Variants in ST7L observed in about 807,000 individuals in gnomAD.
The protein encoded by ST7L is suppression of tumorigenicity 7 like.
A neutral mutation model predicts 72.5 loss-of-function variants in ST7L; 57 were observed. The ratio of observed to expected loss-of-function variants is 0.79; its 90% CI spans 0.64 to 0.98. The LOEUF (loss-of-function observed/expected upper bound fraction) is 0.98. ST7L is among the 50% of genes least tolerant of loss of function. The pLI is 0.00. For synonymous variants in ST7L, 221 were observed against 240.9 expected (o/e 0.92, Z 0.77); for missense variants, 576 against 672.2 (o/e 0.86, Z 1.58).
chr1:112,536,687 A>G (rs560448929), intron 14 of ST7L, among the ~76,000 whole-genome samples: 11 of 152,146 alleles, frequency 7.2e-5, no homozygotes, highest in African/African-American at 2.2e-4. Flanking sequence ...TGTAGTCCTT[A>G]AAGAATTAAT....
chr1:112,583,791 AT>A (rs1318383701), intron 7 of ST7L, among the ~76,000 whole-genome samples, 180 bp downstream of exon 7: 2 of 152,256 alleles, frequency 1.3e-5, no homozygotes, highest in African/African-American at 4.8e-5. Flanking sequence ...TTCCACAAGC[AT>A]TCTCTGGCTA....
chr1:112,551,712 A>C (rs1658218216), intron 12 of ST7L, among the ~76,000 whole-genome samples: 1 of 152,230 alleles, frequency 6.6e-6, no homozygotes. Context: ...ACTCCTGTGG[A>C]TTTATTAAAG....
chr1:112,590,867 A>G (rs755597451), intron 6 of ST7L, among the ~76,000 whole-genome samples: 7 of 152,122 alleles, frequency 4.6e-5, no homozygotes, highest in Non-Finnish European at 1.5e-5. Context: ...TGAATGCTTT[A>G]AGTGAATGTT....
intron 3 of ST7L, chr1:112,607,340 C>G (rs2101001696): frequency 6.6e-6 from 1 of 152,476 alleles, no homozygotes; most frequent in Admixed American, 6.5e-5. Flanking sequence ...TGGCTCATGC[C>G]TGTAATCCCA....
At position 112,565,211 on chromosome 1, in the gene ST7L, A is replaced by ATTTTTTTTTTTTTTT. The variant is rs777969643; in HGVS notation, c.1246-9208_1246-9194dup. Among the ~76,000 whole-genome samples the ATTTTTTTTTTTTTTT allele has an allele frequency of 1.9e-4, 11 of 57,950 alleles. 1 individual carries two copies. Among genetic ancestry groups the ATTTTTTTTTTTTTTT allele is most frequent in the African/African-American group, 4.3e-4 (5 of 11,650 alleles). The allele number at this position is 57,950 out of a possible 152,430, so 38.0% of individuals were successfully genotyped here. Reference sequence around the variant, plus strand: ...AGGCGCCCACCACCATGTTCGGCTAATTTTTTTTTTTTTTTTTTTTTTTTT... The same window carrying ATTTTTTTTTTTTTTT: ...AGGCGCCCACCACCATGTTCGGCTAATTTTTTTTTTTTTTTTTTTTTTTTTTTTTTTTTTTTTTTT... On this transcript the variant is annotated intron_variant, in intron 11 of 14. Coordinates refer to ENST00000358039, the MANE Select transcript of ST7L (RefSeq NM_017744.5).
chr1:112,597,753 A>T (rs1017672313), intron 5 of ST7L, among the ~76,000 whole-genome samples: 5 of 152,222 alleles, frequency 3.3e-5, no homozygotes, highest in Non-Finnish European at 7.3e-5. Context: ...TTTTTGAAGT[A>T]GTAAAAGAAA....
chr1:112,540,826 G>C, intron 14 of ST7L: 10 of 1,288,870 alleles, frequency 7.8e-6, no homozygotes, highest in Non-Finnish European at 1.0e-5. Flanking sequence ...TCATTTTTGG[G>C]AATATAATTA....
chr1:112,597,734 T>C (rs1162602360), intron 5 of ST7L, among the ~76,000 whole-genome samples: 1 of 152,214 alleles, frequency 6.6e-6, no homozygotes, highest in Non-Finnish European at 1.5e-5. Flanking sequence ...CTATATTTGA[T>C]CTGAAAGGTT....
At chr1:112,579,223 A>C (rs191999437) in intron 9 of ST7L, among the ~76,000 whole-genome samples, 1 of 152,056 alleles carries the variant, frequency 6.6e-6, no homozygotes, top group African/African-American at 2.4e-5. Context: ...TCTCTACTAA[A>C]AATACAAAAA....
chr1:112,584,240 A>AC, intron 6 of ST7L, 114 bp from the exon 7 acceptor site: 2 of 1,105,446 alleles, frequency 1.8e-6, no homozygotes, highest in Non-Finnish European at 2.4e-6. Context: ...TTCCATCTTT[A>AC]GAAAAAAAAA....
chr1:112,543,435 C>A (rs1656506830), intron 13 of ST7L, among the ~76,000 whole-genome samples: 2 of 152,162 alleles, frequency 1.3e-5, no homozygotes, highest in South Asian at 4.1e-4. Flanking sequence ...ATAGTCCCAG[C>A]TACTCAGGAA....
chr1:112,548,420 T>C (rs1399954163), intron 13 of ST7L, among the ~76,000 whole-genome samples: 1 of 151,930 alleles, frequency 6.6e-6, no homozygotes, highest in Non-Finnish European at 1.5e-5. Context: ...AAAGGGGAGA[T>C]TAAGAAGTAC....
intron 13 of ST7L, among the ~76,000 whole-genome samples, chr1:112,543,499 G>A (rs1338807707): frequency 6.6e-6 from 1 of 152,180 alleles, no homozygotes; most frequent in Non-Finnish European, 1.5e-5. Flanking sequence ...AGTGAGCTGG[G>A]ATTGTGCCAC....
downstream of ST7L, chr1:112,520,178 A>G (rs893770356): frequency 2.4e-6 from 3 of 1,253,370 alleles, no homozygotes; most frequent in Non-Finnish European, 3.4e-6. Context: ...GCCCAGCCCA[A>G]AAAAGCGATT....
At position 112,582,589 on chromosome 1, in the gene ST7L, T is replaced by C. The variant is rs1301212116; in HGVS notation, c.857-117A>G. 7.3e-6 allele frequency: 4 copies of C among 545,302 alleles called. No homozygotes were observed. In the Admixed American group the frequency reaches 1.4e-4, roughly 19 times the overall value. 33.8% of individuals were successfully genotyped at this position (545,302 alleles called of 1,614,324 possible). On this transcript the variant is annotated intron_variant, in intron 7 of 14. Transcript: ENST00000358039. ...CTTGGAAGAGTCAATTAAAATTAAATTGTGTCAGAATGGAAGAATATTAAT... is the reference window on the plus strand; with the variant it reads ...CTTGGAAGAGTCAATTAAAATTAAACTGTGTCAGAATGGAAGAATATTAAT...
chr1:112,542,806 T>TC (rs1226942665), intron 13 of ST7L, among the ~76,000 whole-genome samples: 1 of 148,254 alleles, frequency 6.7e-6, no homozygotes, highest in East Asian at 2.0e-4. Context: ...AGTTGCTACT[T>TC]TTTTTTTTGA....
rs369728124 is a variant in ST7L at position 112,577,421 on chromosome 1, A to T, written c.1143-333T>A. Among the ~76,000 whole-genome samples the T allele has an allele frequency of 2.7e-5, 4 of 148,614 alleles. No homozygotes were observed. The East Asian group carries it at 6.3e-4, about 23-fold the overall frequency. On this transcript the variant is annotated intron_variant, in intron 10 of 14. Transcript: ENST00000358039. The stretch of plus-strand genomic sequence containing the variant: ...TGTGTGCCTGTAGTCCCAGGCACAC[A>T]TGGGAGGCTGAGGCAGGAGAATCAC...
intron 11 of ST7L, among the ~76,000 whole-genome samples, chr1:112,557,945 C>G (rs1474285139): frequency 6.6e-6 from 1 of 152,134 alleles, no homozygotes; most frequent in Non-Finnish European, 1.5e-5. Flanking sequence ...TCATTTATAA[C>G]AAAAGCAGTG....
At chr1:112,555,565 AAAAAAAAAC>A (rs1658977446) in intron 12 of ST7L, among the ~76,000 whole-genome samples, 1 of 148,464 alleles carries the variant, frequency 6.7e-6, no homozygotes, top group South Asian at 2.1e-4. Context: ...ACTCCGTCTC[AAAAAAAAAC>A]AAAAAAAGTT....
Sources: gnomAD v4.1 joint callset for allele counts (sites outside exome capture counted in the v4.1 genomes callset) on GRCh38, gnomAD v4.1.1 for gene constraint, MANE v1.5 for transcripts, NCBI Gene and HGNC (gene_info 2026-07-23, HGNC 2026-07-21) for gene names.